The following PRR23E variants were observed in gnomAD, a reference collection of about 807,000 sequenced individuals.
PRR23E encodes the protein PRR23 family member E, also known as proline-rich protein 23E.
chr3:127,193,525 A>T, the PRR23E span, among the ~76,000 whole-genome samples: 9 of 151,798 alleles, frequency 5.9e-5, no homozygotes, highest in Admixed American at 1.3e-4. Context: ...CCTCCCCTAA[A>T]AGCCAAGCCC....
the PRR23E span, among the ~76,000 whole-genome samples, chr3:127,194,044 A>G: frequency 1.3e-5 from 2 of 152,026 alleles, no homozygotes; most frequent in Non-Finnish European, 2.9e-5. Context: ...ATCGCCCTCT[A>G]TTTTGTGGTT....
At chr3:127,197,243 T>C in the PRR23E span, 2 of 1,599,194 alleles carry the variant, frequency 1.3e-6, no homozygotes, top group Non-Finnish European at 1.7e-6. Flanking sequence ...GCAAAGCCCC[T>C]CCCTCAGAAT....
At chr3:127,197,374 G>A in the PRR23E span, 59 of 1,573,394 alleles carry the variant, frequency 3.7e-5, no homozygotes, top group African/African-American at 2.3e-4. Flanking sequence ...TCCTCCTCCC[G>A]GTCACCCTGC....
At chr3:127,197,183 C>A in the PRR23E span, 3 of 1,592,594 alleles carry the variant, frequency 1.9e-6, 1 homozygote, top group South Asian at 3.3e-5. Context: ...GCTCAGCCCC[C>A]AGGGCTGCCG....
chr3:127,193,377 AC>A, the PRR23E span: 3 of 152,188 alleles, frequency 2.0e-5, no homozygotes, highest in Non-Finnish European at 4.4e-5. Context: ...GCACTCTCCC[AC>A]CCAACTCCTG....
chr3:127,193,980 A>G, the PRR23E span, among the ~76,000 whole-genome samples: 1 of 152,226 alleles, frequency 6.6e-6, no homozygotes, highest in Non-Finnish European at 1.5e-5. Flanking sequence ...TGGACTAGCA[A>G]GAGCTGTCTG....
the PRR23E span, chr3:127,197,589 C>G: frequency 2.9e-6 from 1 of 339,548 alleles, no homozygotes; most frequent in Non-Finnish European, 4.4e-6. Context: ...TTTCTCTTTA[C>G]TTTGTTTTTC....
the PRR23E span, among the ~76,000 whole-genome samples, chr3:127,196,405 G>A: frequency 1.3e-5 from 2 of 152,098 alleles, no homozygotes; most frequent in Non-Finnish European, 2.9e-5. Flanking sequence ...TCACGTGGCT[G>A]CTGTGCACCC....
chr3:127,197,315 GC>G, the PRR23E span: 2 of 1,597,996 alleles, frequency 1.3e-6, no homozygotes, highest in Admixed American at 1.7e-5. Flanking sequence ...TCCGCCCTCT[GC>G]CCCCTTCCCC....
chr3:127,196,278 C>T, the PRR23E span, among the ~76,000 whole-genome samples: 1,314 of 152,300 alleles, frequency 8.6e-3, 10 homozygotes, highest in Non-Finnish European at 0.015. Flanking sequence ...CTCCCTCCAG[C>T]AGGTCTCCAA....
chr3:127,193,459 C>T, the PRR23E span, among the ~76,000 whole-genome samples: 2 of 152,028 alleles, frequency 1.3e-5, no homozygotes, highest in Non-Finnish European at 2.9e-5. Flanking sequence ...AAAGTGTCCG[C>T]GTCGCACCCC....
chr3:127,194,089 A>AT, the PRR23E span, among the ~76,000 whole-genome samples: 81 of 151,926 alleles, frequency 5.3e-4, no homozygotes, highest in African/African-American at 8.9e-4. Context: ...ATTTTGTGGC[A>AT]TTTTTTTTAA....
the PRR23E span, among the ~76,000 whole-genome samples, chr3:127,194,446 T>A: frequency 1.3e-5 from 2 of 152,210 alleles, no homozygotes; most frequent in Non-Finnish European, 2.9e-5. Context: ...TAGAGGATGA[T>A]CTGAACTTGC....
the PRR23E span, chr3:127,197,135 C>T: frequency 4.4e-6 from 7 of 1,596,510 alleles, no homozygotes; most frequent in Non-Finnish European, 5.9e-6. Flanking sequence ...GGGCCACCTC[C>T]AGCCACTGTC....
At chr3:127,194,778 G>T in the PRR23E span, among the ~76,000 whole-genome samples, 1 of 152,140 alleles carries the variant, frequency 6.6e-6, no homozygotes, top group Non-Finnish European at 1.5e-5. Flanking sequence ...GTCCCTGCAG[G>T]CATCTATGAA....
chr3:127,195,090 C>T, the PRR23E span, among the ~76,000 whole-genome samples: 1 of 152,138 alleles, frequency 6.6e-6, no homozygotes, highest in Non-Finnish European at 1.5e-5. Flanking sequence ...AGGGGGAGCA[C>T]CACTGTCAGA....
At chr3:127,194,229 C>T in the PRR23E span, among the ~76,000 whole-genome samples, 1 of 152,118 alleles carries the variant, frequency 6.6e-6, no homozygotes, top group African/African-American at 2.4e-5. Flanking sequence ...CATGTTAACT[C>T]TTGCAGGGGT....
At chr3:127,197,473 C>G in the PRR23E span, 21 of 1,400,938 alleles carry the variant, frequency 1.5e-5, no homozygotes, top group Non-Finnish European at 1.9e-5. Context: ...GGAGCCCAGC[C>G]AGCTGTGGAC....
chr3:127,196,723 A>G, the PRR23E span: 3 of 1,593,738 alleles, frequency 1.9e-6, no homozygotes, highest in Non-Finnish European at 2.5e-6. Flanking sequence ...GCAGAGCAGA[A>G]GGTCCGCCGT....
Sources: gnomAD v4.1 joint callset for allele counts (sites outside exome capture counted in the v4.1 genomes callset) on GRCh38, gnomAD v4.1.1 for gene constraint, MANE v1.5 for transcripts, NCBI Gene and HGNC (gene_info 2026-07-23, HGNC 2026-07-21) for gene names.